Variants in WDR36 observed in about 807,000 individuals in gnomAD.
WDR36 encodes WD repeat-containing protein 36.
Under a neutral mutation model 112.7 loss-of-function variants are expected in WDR36, and 63 were observed. The observed-to-expected ratio is 0.56, with a 90% CI of 0.46 to 0.69. The LOEUF is 0.69. WDR36 is among the 30% of genes least tolerant of loss of function. The pLI is 0.00. For synonymous variants in WDR36, 410 were observed against 362.2 expected (o/e 1.13, Z -1.50); for missense variants, 1,226 against 1,070.3 (o/e 1.15, Z -2.03).
rs1752889550 is a variant in WDR36, at chr5:111,092,600, G to C, written c.144G>C (p.Lys48Asn). Residue 48 changes from lysine to asparagine, a missense_variant, in exon 1 of 23, where the codon AAG (lysine) becomes AAC (asparagine). Lys to Asn is a moderately conservative substitution (Grantham distance 94). Transcript: ENST00000513710. ...TCTATGTAACAACCTGCGTGGGCAA[G>C]AGTTTCCACACCTATGACGTGAGTG... ...RRFYVTTCVG[K>N]SFHTYDVQKL... The C allele has an allele frequency of 1.2e-6, 2 of 1,613,592 alleles. No homozygotes were observed. Among genetic ancestry groups the C allele is most frequent in the Middle Eastern group, 1.6e-4 (1 of 6,062 alleles).
In WDR36 at chr5:111,125,752, G is replaced by A. The variant is rs148737719; in HGVS notation, c.2495G>A (p.Arg832His). ...ATTGGGATGATGCTGGACAGAAAGC[G>A]TGATTTTGAGTTAGCCCAGGCATAC... The part of the protein sequence containing the change: ...KMIGMMLDRK[R>H]DFELAQAYLA... Residue 832 changes from arginine (R) to histidine (H), a missense_variant, in exon 22 of 23, where the codon CGT (arginine) becomes CAT (histidine). Arg to His is a conservative substitution (Grantham distance 29). Transcript: ENST00000513710. 8.2e-5 allele frequency: 133 copies of A among 1,613,858 alleles called. 1 individual carries two copies. Among genetic ancestry groups the A allele is most frequent in the South Asian group, 5.2e-4 (47 of 91,086 alleles).
At chr5:111,113,180 C>A (rs781714638) in intron 16 of WDR36, 27 bp downstream of exon 16, 2 of 1,357,828 alleles carry the variant, frequency 1.5e-6, no homozygotes, top group African/African-American at 2.9e-5. Flanking sequence ...AATTCCCTAA[C>A]CTCTATAAGA....
intron 18 of WDR36, 104 bp from the exon 19 acceptor site, chr5:111,120,892 G>C (rs994464026): frequency 5.4e-5 from 55 of 1,010,920 alleles, no homozygotes; most frequent in Non-Finnish European, 5.0e-5. Flanking sequence ...AGTCTACAAG[G>C]CTGCATTAAA....
intron 17 of WDR36, among the ~76,000 whole-genome samples, chr5:111,119,706 T>A (rs934333639): frequency 2.6e-5 from 4 of 152,150 alleles, no homozygotes; most frequent in African/African-American, 9.6e-5. Flanking sequence ...AAAGAAAAAA[T>A]TGATTTTTTA....
chr5:111,099,719 C>A (rs80051940), intron 4 of WDR36, among the ~76,000 whole-genome samples: 1 of 151,870 alleles, frequency 6.6e-6, no homozygotes, highest in African/African-American at 2.4e-5. Flanking sequence ...TAGTGACTGA[C>A]GAATAAAGGC....
chr5:111,125,644 C>T lies in WDR36; in HGVS notation c.2387C>T (p.Pro796Leu), dbSNP rs1753665746. Reference sequence around the variant, plus strand: ...CTCAACCTTCTGAAAGAATCAGGCCCATCAGGAATTGAAACAGAGCTGCGA... The same window carrying T: ...CTCAACCTTCTGAAAGAATCAGGCCTATCAGGAATTGAAACAGAGCTGCGA... ...TALNLLKESG[P>L]SGIETELRSL... The change falls in exon 22 of 23, where the codon CCA becomes CTA. Residue 796 changes from proline (P) to leucine (L), a missense_variant. Coordinates refer to ENST00000513710, the MANE Select transcript of WDR36 (RefSeq NM_139281.3). 5 of 1,613,728 alleles carry T rather than the reference C, an allele frequency of 3.1e-6. No individual in the cohort carries two copies. The highest frequency in any genetic ancestry group is 1.1e-5 in the South Asian group (1 of 91,066).
intron 18 of WDR36, 59 bp from the exon 19 acceptor site, chr5:111,120,937 G>A: frequency 7.1e-7 from 1 of 1,412,714 alleles, no homozygotes; most frequent in Non-Finnish European, 1.0e-6. Context: ...GATTTGGAAT[G>A]AATTAAGTTG....
intron 22 of WDR36, 143 bp downstream of exon 22, chr5:111,125,938 C>T (rs1753671953): frequency 1.3e-6 from 1 of 759,734 alleles, no homozygotes; most frequent in Non-Finnish European, 2.2e-6. Flanking sequence ...CTATTGAGTT[C>T]TTGAAATGTA....
At position 111,100,579 on chromosome 5, in the gene WDR36, A is replaced by G. The variant is rs763996370; in HGVS notation, c.410-10A>G. The G allele has an allele frequency of 6.6e-6, 10 of 1,507,204 alleles. No individual in the cohort carries two copies. Among genetic ancestry groups the G allele is most frequent in the South Asian group, 6.3e-5 (5 of 79,776 alleles). 93.4% of individuals were successfully genotyped at this position (1,507,204 alleles called of 1,614,324 possible). On this transcript the variant is annotated splice_polypyrimidine_tract_variant and intron_variant, in intron 4 of 22. Coordinates refer to ENST00000513710, the MANE Select transcript of WDR36 (RefSeq NM_139281.3). ...TTTATAAAAAATATTTATAACTTTC[A>G]CTTTTGTAGAAGAATACCTGCAGTT... is the stretch of plus-strand genomic sequence containing the variant.
intron 17 of WDR36, among the ~76,000 whole-genome samples, 192 bp from the exon 18 acceptor site, chr5:111,120,304 T>C (rs1448739640): frequency 6.6e-6 from 1 of 152,190 alleles, no homozygotes; most frequent in African/African-American, 2.4e-5. Context: ...AGAGACTCAA[T>C]AATGTATTTA....
At position 111,109,106 on chromosome 5, in the gene WDR36, C is replaced by A. The variant is rs181869643; in HGVS notation, c.1327-1083C>A. Among the ~76,000 whole-genome samples the A allele has an allele frequency of 1.0e-3, 158 of 151,108 alleles. 1 individual carries two copies. The highest frequency in any genetic ancestry group is 1.3e-4 in the Non-Finnish European group (9 of 67,410). ...GAAGAAGAGAATGCCAGGAGCAGGC[C>A]GACTAAAAACAATAACTCCCCTAAA... is the stretch of plus-strand genomic sequence containing the variant. On this transcript the variant is annotated intron_variant, in intron 12 of 22. Coordinates refer to ENST00000513710, the MANE Select transcript of WDR36 (RefSeq NM_139281.3).
intron 12 of WDR36, among the ~76,000 whole-genome samples, chr5:111,108,099 A>C (rs922175409): frequency 6.6e-6 from 1 of 151,392 alleles, no homozygotes; most frequent in Admixed American, 6.6e-5. Context: ...ATCTATGAAC[A>C]TGGGGTGTTT....
In WDR36 at chr5:111,128,589, GA is replaced by G. The variant is rs1231879210; in HGVS notation, c.*1708del. ...ACTAAAACAAAATGATAAGAGCTGT[GA>G]ACTGAAATTGTATTGCTTACAGAAA... On this transcript the variant is annotated 3_prime_UTR_variant, in exon 23 of 23. Transcript: ENST00000513710. 1 of 179,590 alleles carries G rather than the reference GA, an allele frequency of 5.6e-6. No homozygotes were observed. The highest frequency in any genetic ancestry group is 2.4e-5 in the African/African-American group (1 of 42,404). The allele number at this position is 179,590 out of a possible 1,614,324, so 11.1% of individuals were successfully genotyped here.
At chr5:111,117,245 T>A (rs1753473758) in intron 16 of WDR36, among the ~76,000 whole-genome samples, 1 of 152,218 alleles carries the variant, frequency 6.6e-6, no homozygotes, top group Non-Finnish European at 1.5e-5. Flanking sequence ...CACACTTTGA[T>A]GTGTGTGTGT....
intron 5 of WDR36, among the ~76,000 whole-genome samples, chr5:111,101,509 T>C (rs973989299): frequency 3.3e-5 from 5 of 151,844 alleles, no homozygotes; most frequent in Non-Finnish European, 5.9e-5. Flanking sequence ...CCCATAGATA[T>C]GGCAAATATC....
chr5:111,105,081 T>G (rs553515750), intron 9 of WDR36, among the ~76,000 whole-genome samples: 1 of 151,770 alleles, frequency 6.6e-6, no homozygotes, highest in Non-Finnish European at 1.5e-5. Context: ...TGAAAATTAT[T>G]AGTACCTCAT....
In WDR36 at chr5:111,097,181, T is replaced by G; in HGVS notation, c.291+2T>G. On this transcript the variant is annotated splice_donor_variant, in intron 3 of 22. Transcript: ENST00000513710. LOFTEE classifies it high-confidence loss of function. ...TCTGCATTTGCCCGTAATAAAGAGG[T>G]TGGTATCGCTAAACTACTTGTTTGT... 1 of 1,607,588 alleles carries G rather than the reference T, an allele frequency of 6.2e-7. No individual in the cohort carries two copies. The highest frequency in any genetic ancestry group is 8.5e-7 in the Non-Finnish European group (1 of 1,174,554).
rs777426601 is a variant in WDR36, at chr5:111,125,809, A to G, written c.2538+14A>G. The G allele has an allele frequency of 1.9e-6, 3 of 1,613,416 alleles. No homozygotes were observed. The South Asian group carries it at 3.3e-5, about 18-fold the overall frequency. On this transcript the variant is annotated intron_variant, in intron 22 of 22. Transcript: ENST00000513710. Reference sequence around the variant, plus strand: ...TTGTTTCTAAAGGTAAGTCTAATGTAAGACAGTACTGCCCAGCTTGTCTTC... The same window carrying G: ...TTGTTTCTAAAGGTAAGTCTAATGTGAGACAGTACTGCCCAGCTTGTCTTC...
Position 111,097,105 on chromosome 5 carries a change from T to C in WDR36, c.217T>C (p.Cys73Arg). ...TAATTCTGTTCCACAGGATATCTGCTGTATGGCAGCTGATGGCAGATTAGT... is the reference window on the plus strand; with the variant it reads ...TAATTCTGTTCCACAGGATATCTGCCGTATGGCAGCTGATGGCAGATTAGT... ...VSNSVPQDIC[C>R]MAADGRLVFA... The change falls in exon 3 of 23, where the codon TGT (cysteine) becomes CGT (arginine). Residue 73 changes from cysteine to arginine, a missense_variant. Cys to Arg is a radical substitution (Grantham distance 180). Coordinates refer to ENST00000513710, the MANE Select transcript of WDR36 (RefSeq NM_139281.3). The C allele has an allele frequency of 6.2e-7, 1 of 1,613,698 alleles. No individual in the cohort carries two copies. The highest frequency in any genetic ancestry group is 2.2e-5 in the East Asian group (1 of 44,824).
Sources: allele counts gnomAD v4.1 joint callset (sites outside exome capture counted in the v4.1 genomes callset), GRCh38; gene constraint gnomAD v4.1.1; transcripts MANE v1.5; gene names NCBI Gene and HGNC (gene_info 2026-07-23, HGNC 2026-07-21).